The following MED23 variants were observed in gnomAD, a reference collection of about 807,000 sequenced individuals.
MED23 encodes the protein mediator of RNA polymerase II transcription subunit 23.
In MED23, 105 loss-of-function variants were observed where a neutral mutation model predicts 163.9. The ratio of observed to expected loss-of-function variants is 0.64; its 90% confidence interval spans 0.55 to 0.75. The LOEUF (loss-of-function observed/expected upper bound fraction) is 0.75. Ranked by LOEUF, MED23 falls within the 30% of genes least tolerant of loss-of-function variation. The pLI, the probability that MED23 is intolerant of heterozygous loss-of-function variation, is 0.00. For missense variants in MED23, 1,054 were observed against 1,649.0 expected (o/e 0.64, Z 6.25); for synonymous variants, 561 against 565.6 (o/e 0.99, Z 0.12).
At chr6:131,605,518 T>G (rs1293086540) in intron 13 of MED23, 33 bp from the exon 14 acceptor site, 7 of 1,524,016 alleles carry the variant, frequency 4.6e-6, no homozygotes, top group African/African-American at 1.4e-5. Flanking sequence ...AAAGAAAAAA[T>G]GAAAATAACT....
chr6:131,601,904 A>T (rs1014695655), intron 17 of MED23, among the ~76,000 whole-genome samples: 3 of 152,040 alleles, frequency 2.0e-5, no homozygotes, highest in Non-Finnish European at 2.9e-5. Flanking sequence ...GATATAATCC[A>T]TATAAACAGA....
At chr6:131,600,561 T>A (rs1775392157) in intron 17 of MED23, among the ~76,000 whole-genome samples, 1 of 152,222 alleles carries the variant, frequency 6.6e-6, no homozygotes, top group Non-Finnish European at 1.5e-5. Flanking sequence ...AATGCATGTA[T>A]AAATCTCAGA....
At chr6:131,584,910 G>T (rs993841109), downstream of MED23, among the ~76,000 whole-genome samples, 1 of 150,310 alleles carries the variant, frequency 6.7e-6, no homozygotes, top group Admixed American at 6.7e-5. Flanking sequence ...AAGGCGGGAG[G>T]ACTGCTTGAG....
Position 131,579,115 on chromosome 6 carries a change from T to C in MED23, c.4096-4820A>G, listed in dbSNP as rs372415368. 10 of 1,614,026 alleles carry C rather than the reference T, an allele frequency of 6.2e-6. No individual in the cohort carries two copies. In the African/African-American group the frequency reaches 1.1e-4, roughly 17 times the overall value. Reference sequence around the variant, plus strand: ...CTCAAAACTTTTTAATTTTAGAGTGTGATGTGAAGGATTATGGGGACCTGC... The same window carrying C: ...CTCAAAACTTTTTAATTTTAGAGTGCGATGTGAAGGATTATGGGGACCTGC... On this transcript the variant is annotated intron_variant, in intron 30 of 30. Transcript: ENST00000354577.
intron 30 of MED23, among the ~76,000 whole-genome samples, chr6:131,574,691 G>A (rs572026688): frequency 1.3e-5 from 2 of 152,262 alleles, no homozygotes; most frequent in East Asian, 1.9e-4. Context: ...GGAGGTACAA[G>A]TTTGACAAAT....
At chr6:131,590,492 T>C (rs755726054) in intron 26 of MED23, 50 bp from the exon 27 acceptor site, 77 of 1,431,036 alleles carry the variant, frequency 5.4e-5, no homozygotes, top group Non-Finnish European at 7.2e-5. Flanking sequence ...ATTTAAATTG[T>C]TTGAATTTTG....
chr6:131,609,320 A>T (rs1316838334), intron 11 of MED23, among the ~76,000 whole-genome samples: 1 of 152,044 alleles, frequency 6.6e-6, no homozygotes, highest in Admixed American at 6.6e-5. Flanking sequence ...TCCTTATCTC[A>T]TCAACGATTT....
At chr6:131,627,103 C>A in intron 3 of MED23, 1 of 325,702 alleles carries the variant, frequency 3.1e-6, no homozygotes, top group Non-Finnish European at 5.6e-6. Context: ...TCAAGTGTAC[C>A]AAATAAATCC....
chr6:131,587,113 A>G lies in MED23; in HGVS notation c.*566T>C. On this transcript the variant is annotated 3_prime_UTR_variant, in exon 29 of 29. Coordinates refer to ENST00000368068, the MANE Select transcript of MED23 (RefSeq NM_004830.4). ...TAAAACTGCCAGTTGACCTTGATAG[A>G]AACTATGGAAATTTATAATAAAATT... 8.0e-7 allele frequency: 1 copy of G among 1,255,680 alleles called. No homozygotes were observed. Among genetic ancestry groups the G allele is most frequent in the Non-Finnish European group, 1.0e-6 (1 of 992,308 alleles). The allele number at this position is 1,255,680 out of a possible 1,614,324, so 77.8% of individuals were successfully genotyped here.
intron 25 of MED23, 56 bp downstream of exon 25, chr6:131,592,332 C>T: frequency 6.7e-7 from 1 of 1,490,916 alleles, no homozygotes; most frequent in South Asian, 1.1e-5. Flanking sequence ...TTTTTGCTGA[C>T]ATGGAACAGC....
chr6:131,597,248 G>A (rs1269643931), intron 20 of MED23, among the ~76,000 whole-genome samples: 2 of 151,788 alleles, frequency 1.3e-5, no homozygotes, highest in South Asian at 2.1e-4. Context: ...AGGCCGAGGC[G>A]GGCAGAACAC....
chr6:131,587,559 T>A lies in MED23; in HGVS notation c.*120A>T. 4 of 1,543,624 alleles carry A rather than the reference T, an allele frequency of 2.6e-6. No individual in the cohort carries two copies. The highest frequency in any genetic ancestry group is 3.5e-6 in the Non-Finnish European group (4 of 1,144,004). On this transcript the variant is annotated 3_prime_UTR_variant, in exon 29 of 29. Coordinates refer to ENST00000368068, the MANE Select transcript of MED23 (RefSeq NM_004830.4). ...CATCATTTGAATCAAAATAAAACAA[T>A]CTGAATATCATCACTGCTTCTACTA...
chr6:131,615,126 AAAAAAC>A (rs1190295517), intron 10 of MED23, among the ~76,000 whole-genome samples: 5 of 151,378 alleles, frequency 3.3e-5, no homozygotes, highest in African/African-American at 9.7e-5. Context: ...ACAAACACCA[AAAAAAC>A]AAAAACAAAA....
chr6:131,626,339 A>G lies in MED23; in HGVS notation c.159+1057T>C, dbSNP rs376611243. Among the ~76,000 whole-genome samples the G allele has an allele frequency of 2.0e-5, 3 of 152,192 alleles. No homozygotes were observed. In the East Asian group the frequency reaches 5.8e-4, roughly 29 times the overall value. On this transcript the variant is annotated intron_variant, in intron 3 of 28. Transcript: ENST00000368068. The stretch of plus-strand genomic sequence containing the variant: ...TGGTTAAATTAGAAAAAGTAAGAAG[A>G]AACTTAGAAGACAGTAGAAGATTGG...
At chr6:131,588,525 A>G (rs1423897105) in intron 28 of MED23, among the ~76,000 whole-genome samples, 1 of 152,140 alleles carries the variant, frequency 6.6e-6, no homozygotes, top group Non-Finnish European at 1.5e-5. Context: ...CAAATAAACA[A>G]TTTCTTTTAC....
chr6:131,583,814 C>T, downstream of MED23: 1 of 1,614,102 alleles, frequency 6.2e-7, no homozygotes, highest in South Asian at 1.1e-5. Context: ...GTAACTCGAA[C>T]AGTGAACACA....
At chr6:131,622,235 T>C (rs1777165037) in intron 5 of MED23, among the ~76,000 whole-genome samples, 1 of 152,186 alleles carries the variant, frequency 6.6e-6, no homozygotes, top group Non-Finnish European at 1.5e-5. Context: ...CCTCATAACA[T>C]TAGAAGGGTT....
intron 9 of MED23, among the ~76,000 whole-genome samples, chr6:131,616,258 CACCAG>C (rs2114731104): frequency 6.6e-6 from 1 of 152,218 alleles, no homozygotes; most frequent in South Asian, 2.1e-4. Context: ...ATAACACTAG[CACCAG>C]ACCTTCCAAT....
At chr6:131,608,815 G>A (rs1382606730) in intron 11 of MED23, among the ~76,000 whole-genome samples, 1 of 152,122 alleles carries the variant, frequency 6.6e-6, no homozygotes, top group Non-Finnish European at 1.5e-5. Context: ...TCATGCTGTG[G>A]AGATGTTATG....
Sources: gnomAD v4.1 joint callset for allele counts (sites outside exome capture counted in the v4.1 genomes callset) on GRCh38, gnomAD v4.1.1 for gene constraint, MANE v1.5 for transcripts, NCBI Gene and HGNC (gene_info 2026-07-23, HGNC 2026-07-21) for gene names.